CNTN5: variants seen among roughly 807,000 people sequenced by gnomAD.
CNTN5 encodes the protein contactin 5.
CNTN5 carries 77 observed loss-of-function variants against 129.1 expected under a neutral mutation model. That is an observed-to-expected ratio of 0.60 (90% CI 0.50 to 0.72). The LOEUF (loss-of-function observed/expected upper bound fraction) is 0.72, where lower values mean the gene tolerates loss of function less well. Ranked by LOEUF, CNTN5 falls within the 30% of genes least tolerant of loss-of-function variation. The pLI, the probability that CNTN5 is intolerant of heterozygous loss-of-function variation, is 0.00. For missense variants in CNTN5, 1,478 were observed against 1,328.8 expected, an observed-to-expected ratio of 1.11 and a Z score of -1.75; for synonymous variants, 509 against 465.6, an observed-to-expected ratio of 1.09 and a Z score of -1.20.
chr11:99,906,202 TTGTCTTG>T (rs1949501075), intron 6 of CNTN5, among the ~76,000 whole-genome samples: 2 of 152,270 alleles, frequency 1.3e-5, no homozygotes, highest in Admixed American at 1.3e-4. Flanking sequence ...GAGGGCATCC[TTGTCTTG>T]TGCCGGTTTT....
intron 1 of CNTN5, among the ~76,000 whole-genome samples, chr11:99,162,200 G>T (rs899190857): frequency 1.3e-5 from 2 of 151,884 alleles, no homozygotes; most frequent in African/African-American, 4.8e-5. Flanking sequence ...TGTTTTCTCT[G>T]GCTTCTGTGC....
At chr11:99,717,483 T>C (rs183593135) in intron 3 of CNTN5, among the ~76,000 whole-genome samples, 3 of 151,968 alleles carry the variant, frequency 2.0e-5, no homozygotes, top group Admixed American at 2.0e-4. Context: ...AAAATAAGAG[T>C]ATAGTATTTC....
chr11:99,715,180 A>C (rs541935966), intron 3 of CNTN5, among the ~76,000 whole-genome samples: 1 of 152,170 alleles, frequency 6.6e-6, no homozygotes, highest in Non-Finnish European at 1.5e-5. Flanking sequence ...AAAGAGCATT[A>C]GAGAAGAAGC....
chr11:99,282,221 A>G (rs1863731944), intron 1 of CNTN5, among the ~76,000 whole-genome samples: 1 of 152,104 alleles, frequency 6.6e-6, no homozygotes, highest in African/African-American at 2.4e-5. Flanking sequence ...AAGAACATAA[A>G]CATCCACTAA....
At chr11:99,184,472 T>C (rs1434789591) in intron 1 of CNTN5, among the ~76,000 whole-genome samples, 1 of 152,110 alleles carries the variant, frequency 6.6e-6, no homozygotes, top group Non-Finnish European at 1.5e-5. Context: ...TCCTGCCAGC[T>C]TTCTTCCTCC....
At chr11:99,999,917 A>T (rs1939747283) in intron 8 of CNTN5, among the ~76,000 whole-genome samples, 1 of 151,950 alleles carries the variant, frequency 6.6e-6, no homozygotes, top group African/African-American at 2.4e-5. Context: ...CCAAAAAACC[A>T]AACACTGCAT....
intron 2 of CNTN5, among the ~76,000 whole-genome samples, chr11:99,338,779 A>C (rs1404613699): frequency 6.6e-6 from 1 of 151,524 alleles, no homozygotes; most frequent in Non-Finnish European, 1.5e-5. Flanking sequence ...TATTTTGTTT[A>C]TATTTATGTA....
intron 1 of CNTN5, among the ~76,000 whole-genome samples, chr11:99,093,999 A>G (rs1391932439): frequency 2.0e-5 from 3 of 152,002 alleles, no homozygotes; most frequent in Admixed American, 1.3e-4. Flanking sequence ...AGATAATATA[A>G]TATAGTAGAA....
intron 13 of CNTN5, among the ~76,000 whole-genome samples, chr11:100,155,077 A>T (rs920183888): frequency 1.3e-5 from 2 of 152,090 alleles, no homozygotes; most frequent in African/African-American, 2.4e-5. Flanking sequence ...TTGGTGTTTT[A>T]GTCATGAAGT....
At chr11:99,841,896 ATTTT>A (rs1555131155) in intron 4 of CNTN5, among the ~76,000 whole-genome samples, 485 of 22,960 alleles carry the variant, frequency 0.021, 2 homozygotes, top group Middle Eastern at 0.2. Flanking sequence ...ATATATATAT[ATTTT>A]TTTTTTATGG....
At chr11:99,858,346 A>G (rs1948102846) in intron 6 of CNTN5, among the ~76,000 whole-genome samples, 1 of 152,146 alleles carries the variant, frequency 6.6e-6, no homozygotes, top group Non-Finnish European at 1.5e-5. Context: ...TTACAGACTT[A>G]TTTAAATTAT....
At chr11:99,301,766 T>C (rs1213987375) in intron 1 of CNTN5, among the ~76,000 whole-genome samples, 1 of 151,658 alleles carries the variant, frequency 6.6e-6, no homozygotes. Context: ...TTCTACCCAA[T>C]AACAGAAAAA....
chr11:99,840,005 G>A (rs573099027), intron 4 of CNTN5, among the ~76,000 whole-genome samples: 18 of 152,000 alleles, frequency 1.2e-4, no homozygotes, highest in East Asian at 3.9e-4. Flanking sequence ...AAAAAAAATC[G>A]TACAAGATGA....
chr11:99,837,316 ATTAC>A (rs1565587920), intron 4 of CNTN5, among the ~76,000 whole-genome samples: 1 of 152,164 alleles, frequency 6.6e-6, no homozygotes, highest in African/African-American at 2.4e-5. Flanking sequence ...ACTATAACAA[ATTAC>A]TTCTTAACAC....
intron 10 of CNTN5, among the ~76,000 whole-genome samples, chr11:100,066,406 A>G (rs533016427): frequency 4.6e-5 from 7 of 152,272 alleles, no homozygotes; most frequent in African/African-American, 1.7e-4. Context: ...TACAGAAGCA[A>G]CAAAAGAGGC....
chr11:100,193,550 C>T lies in CNTN5; in HGVS notation c.1771C>T (p.Leu591Phe). 1 of 1,610,076 alleles carries T rather than the reference C, an allele frequency of 6.2e-7. No individual in the cohort carries two copies. The highest frequency in any genetic ancestry group is 1.1e-5 in the South Asian group (1 of 90,876). ...ATTGACAGTGGGAGAAAGCATTGTCCTTAATTGCAAAGCAATTCACGATGC... is the reference window on the plus strand; with the variant it reads ...ATTGACAGTGGGAGAAAGCATTGTCTTTAATTGCAAAGCAATTCACGATGC... ...TELTVGESIV[L>F]NCKAIHDASL... Residue 591 changes from leucine to phenylalanine, a missense_variant, in exon 15 of 25, where the codon CTT (leucine) becomes TTT (phenylalanine). Leu to Phe is a conservative substitution (Grantham distance 22). Transcript: ENST00000524871.
At chr11:99,776,587 G>A (rs1005785479) in intron 3 of CNTN5, among the ~76,000 whole-genome samples, 12 of 150,736 alleles carry the variant, frequency 8.0e-5, no homozygotes, top group African/African-American at 1.5e-4. Context: ...AACTTTCTCC[G>A]TCTCTGTGGC....
intron 13 of CNTN5, among the ~76,000 whole-genome samples, chr11:100,089,176 G>A (rs191418641): frequency 1.3e-5 from 2 of 151,952 alleles, no homozygotes; most frequent in East Asian, 3.9e-4. Context: ...TTTTTAATGG[G>A]GTTGTTTGTT....
At chr11:99,068,749 A>G (rs74741883) in intron 1 of CNTN5, among the ~76,000 whole-genome samples, 43 of 152,344 alleles carry the variant, frequency 2.8e-4, no homozygotes, top group African/African-American at 9.4e-4. Flanking sequence ...GAGAAACATT[A>G]AAATTCTATA....
Sources: allele counts gnomAD v4.1 joint callset (sites outside exome capture counted in the v4.1 genomes callset), GRCh38; gene constraint gnomAD v4.1.1; transcripts MANE v1.5; gene names NCBI Gene and HGNC (gene_info 2026-07-23, HGNC 2026-07-21).